Variants in TTN observed in about 807,000 individuals in gnomAD.
TTN encodes the protein connectin.
A neutral mutation model predicts 3,223.0 loss-of-function variants in TTN; 1,525 were observed. That is an observed-to-expected ratio of 0.47 (90% CI 0.45 to 0.49). TTN has a LOEUF of 0.49. TTN is among the 20% of genes least tolerant of loss of function. The pLI is 0.00. For synonymous variants in TTN, 14,094 were observed against 15,161.0 expected, an observed-to-expected ratio of 0.93 and a Z score of 5.17; for missense variants, 40,786 against 43,424.0, an observed-to-expected ratio of 0.94 and a Z score of 5.40.
In TTN at chr2:178,568,428, C is replaced by T; in HGVS notation, c.77704G>A (p.Asp25902Asn). Residue 25902 changes from aspartate to asparagine, a missense_variant, in exon 326 of 363, where the codon GAC (aspartate) becomes AAC (asparagine). By Grantham distance (23) the Asp-to-Asn change is conservative (BLOSUM62 1). Transcript: ENST00000589042. ...DPPKGPVKFD[D>N]VSAESITLSW... ...AATGTAATACTTTCAGCACTGACGT[C>T]ATCAAATTTAACAGGTCCTTTTGGA... 6.2e-7 allele frequency: 1 copy of T among 1,613,236 alleles called. No homozygotes were observed.
chr2:178,768,106 C>T lies in TTN; in HGVS notation c.9213G>A (p.Glu3071=), dbSNP rs779657872. The stretch of plus-strand genomic sequence containing the variant: ...CACATTCAAACATGGCTCGCTTCTT[C>T]TCCAGTACCTTAATGTCCTTAATGT... ...RKHIKDIKVL[E]KKRAMFECEV... Residue 3071 remains glutamate (E), a synonymous_variant, in exon 39 of 363, where the codon GAG becomes GAA. Transcript: ENST00000589042. 6 of 1,614,082 alleles carry T rather than the reference C, an allele frequency of 3.7e-6. No homozygotes were observed. Among genetic ancestry groups the T allele is most frequent in the Middle Eastern group, 1.6e-4 (1 of 6,062 alleles).
rs1445905499 is a variant in TTN at position 178,721,207 on chromosome 2, T to C, written c.22817-5A>G. ...TCTTAACAAACTTTGGAGGTTCTAGTAAACCAAACAAAACAGTCAGTAAGG... is the reference window on the plus strand; with the variant it reads ...TCTTAACAAACTTTGGAGGTTCTAGCAAACCAAACAAAACAGTCAGTAAGG... On this transcript the variant is annotated splice_region_variant and splice_polypyrimidine_tract_variant and intron_variant, in intron 78 of 362. Transcript: ENST00000589042. 1 of 1,580,446 alleles carries C rather than the reference T, an allele frequency of 6.3e-7. No individual in the cohort carries two copies.
In TTN at chr2:178,615,638, C is replaced by G. The variant is rs1418780925; in HGVS notation, c.48460+3G>C. The G allele has an allele frequency of 1.2e-6, 2 of 1,612,124 alleles. No individual in the cohort carries two copies. The highest frequency in any genetic ancestry group is 1.7e-6 in the Non-Finnish European group (2 of 1,178,884). On this transcript the variant is annotated splice_donor_region_variant and intron_variant, in intron 258 of 362. Transcript: ENST00000589042. ...GGTAAGAAATCATCAAGAATGTACT[C>G]ACTTGCAGGAGTTGACATATTTACA...
intron 6 of TTN, chr2:178,799,134 G>C (rs2093917602): frequency 3.5e-6 from 1 of 282,228 alleles, no homozygotes; most frequent in Admixed American, 4.3e-5. Flanking sequence ...AGAAGTGCGT[G>C]GTCCCTAGCG....
chr2:178,678,437 T>C lies in TTN; in HGVS notation c.33887A>G (p.Lys11296Arg). The C allele has an allele frequency of 6.3e-7, 1 of 1,594,942 alleles. No homozygotes were observed. The highest frequency in any genetic ancestry group is 8.5e-7 in the Non-Finnish European group (1 of 1,170,530). Residue 11296 changes from lysine to arginine, a missense_variant, in exon 144 of 363, where the codon AAA becomes AGA. Transcript: ENST00000589042. ...ACCTTTTGCAGGTGGAGCCTCCACT[T>C]TCTTAGGAGCAGGAACTGGCACCTT... ...EKKVPVPAPK[K>R]VEAPPAKVPE...
chr2:178,618,887 C>T (rs1279518287), intron 250 of TTN, 34 bp from the exon 251 acceptor site: 4 of 1,594,938 alleles, frequency 2.5e-6, no homozygotes, highest in Non-Finnish European at 3.4e-6. Context: ...ACGCTTTCGA[C>T]TATTAAACGT....
rs886043776 is a variant in TTN at position 178,547,697 on chromosome 2, C to A, written c.93929G>T (p.Gly31310Val). The A allele has an allele frequency of 1.1e-5, 17 of 1,613,772 alleles. No individual in the cohort carries two copies. The highest frequency in any genetic ancestry group is 1.4e-5 in the Non-Finnish European group (17 of 1,179,846). ...SVTVVVIGRP[G>V]PVTGPIEVSS... ...GACCTCAATGGGGCCGGTTACTGGACCTGGCCTTCCAATGACCACAACTGT... is the reference window on the plus strand; with the variant it reads ...GACCTCAATGGGGCCGGTTACTGGAACTGGCCTTCCAATGACCACAACTGT... Residue 31310 changes from glycine to valine, a missense_variant, in exon 339 of 363, where the codon GGT becomes GTT. Gly to Val is a moderately radical substitution (Grantham distance 109). Transcript: ENST00000589042.
Position 178,591,032 on chromosome 2 carries a change from C to T in TTN, c.60693G>A (p.Leu20231=). ...VVSSGSSKTK[L]KIPHLQKGCE... ...AGCCCTTCTGCAGATGTGGGATTTT[C>T]AGCTTTGTCTTACTGCTTCCGGAAG... Residue 20231 remains leucine (L), a synonymous_variant, in exon 304 of 363, where the codon CTG becomes CTA. Transcript: ENST00000589042. 1 of 1,613,444 alleles carries T rather than the reference C, an allele frequency of 6.2e-7. No homozygotes were observed. Among genetic ancestry groups the T allele is most frequent in the Non-Finnish European group, 8.5e-7 (1 of 1,179,562 alleles).
At chr2:178,714,949 G>T in intron 90 of TTN, 37 bp downstream of exon 90, 1 of 1,572,652 alleles carries the variant, frequency 6.4e-7, no homozygotes, top group Non-Finnish European at 8.6e-7. Context: ...CAATTAGAAG[G>T]GAAGTAGTGA....
rs1251157241 is a variant in TTN at position 178,612,174 on chromosome 2, A to C, written c.50249-12T>G. On this transcript the variant is annotated splice_polypyrimidine_tract_variant and intron_variant, in intron 266 of 362. Coordinates refer to ENST00000589042, the MANE Select transcript of TTN (RefSeq NM_001267550.2). Reference sequence around the variant, plus strand: ...TGGTCCAGGAGTGGCTGAAAATAAAATAAACAATGATTAGGAAAACCAGAG... The same window carrying C: ...TGGTCCAGGAGTGGCTGAAAATAAACTAAACAATGATTAGGAAAACCAGAG... The C allele has an allele frequency of 1.2e-6, 2 of 1,606,442 alleles. No homozygotes were observed. Among genetic ancestry groups the C allele is most frequent in the South Asian group, 2.2e-5 (2 of 89,478 alleles).
At chr2:178,632,824 A>C in intron 234 of TTN, 32 bp from the exon 235 acceptor site, 1 of 1,612,674 alleles carries the variant, frequency 6.2e-7, no homozygotes, top group Non-Finnish European at 8.5e-7. Flanking sequence ...TGAAGTCAGA[A>C]TACGTTTCCA....
chr2:178,684,853 C>G, intron 130 of TTN, 53 bp downstream of exon 130: 1 of 1,542,282 alleles, frequency 6.5e-7, no homozygotes, highest in Non-Finnish European at 8.8e-7. Context: ...AAGAATGTAT[C>G]AATTTAAGAT....
At chr2:178,545,019 ACTAGAAACTGTATGTTC>A (rs1288695189) in intron 344 of TTN, among the ~76,000 whole-genome samples, 2 of 152,186 alleles carry the variant, frequency 1.3e-5, no homozygotes, top group Non-Finnish European at 2.9e-5. Context: ...TTATGAAACC[ACTAGAAACTGTATGTTC>A]CTGCTAAACC....
chr2:178,535,633 C>T lies in TTN; in HGVS notation c.100982G>A (p.Arg33661Lys), dbSNP rs201857158. Residue 33661 changes from arginine (R) to lysine (K), a missense_variant, in exon 358 of 363, where the codon AGA becomes AAA. Transcript: ENST00000589042. Reference protein sequence around the residue: ...TSLVFPNGVERKDAGFYVVCA... With the variant: ...TSLVFPNGVEKKDAGFYVVCA... Reference sequence around the variant, plus strand: ...GACCACATAGAAACCAGCATCTTTTCTCTCTACCCCATTGGGGAAAACAAG... The same window carrying T: ...GACCACATAGAAACCAGCATCTTTTTTCTCTACCCCATTGGGGAAAACAAG... 332 of 1,613,820 alleles carry T rather than the reference C, an allele frequency of 2.1e-4. 2 individuals carry two copies. The South Asian group carries it at 3.5e-3, about 17-fold the overall frequency.
intron 47 of TTN, chr2:178,749,228 A>G: frequency 6.2e-7 from 1 of 1,611,668 alleles, no homozygotes; most frequent in Non-Finnish European, 8.5e-7. Context: ...TTCTTTCTTA[A>G]TAGTGACATC....
rs752002029 is a variant in TTN, at chr2:178,698,932, GAAAA to G, written c.30683-22_30683-19del. 10 of 1,114,522 alleles carry G rather than the reference GAAAA, an allele frequency of 9.0e-6. No individual in the cohort carries two copies. Among genetic ancestry groups the G allele is most frequent in the Non-Finnish European group, 1.2e-5 (10 of 831,894 alleles). 69.0% of individuals were successfully genotyped at this position (1,114,522 alleles called of 1,614,324 possible). A position where few individuals can be genotyped will look rare whatever the true frequency, so the allele number is the denominator to read the frequency against. The stretch of plus-strand genomic sequence containing the variant: ...TTTGGTAACTAAAAAAAAAAAAAAA[GAAAA>G]AAAAAGAAAAAATATTTCTGGTGTA... On this transcript the variant is annotated intron_variant, in intron 111 of 362. Transcript: ENST00000589042.
rs2154148331 is a variant in TTN, at chr2:178,549,594, G to T, written c.92128C>A (p.Pro30710Thr). The change falls in exon 338 of 363, where the codon CCA (proline) becomes ACA (threonine). Residue 30710 changes from proline (P) to threonine (T), a missense_variant. Physicochemically the swap from Pro to Thr is conservative, Grantham distance 38. Transcript: ENST00000589042. Reference protein sequence around the residue: ...FGVGRPLDSDPVVAQIQYTVP... With the variant: ...FGVGRPLDSDTVVAQIQYTVP... Reference sequence around the variant, plus strand: ...CTATATTGTATTTGAGCAACCACTGGATCAGAATCAAGTGGCCTGCCAACA... The same window carrying T: ...CTATATTGTATTTGAGCAACCACTGTATCAGAATCAAGTGGCCTGCCAACA... The T allele has an allele frequency of 1.2e-6, 2 of 1,613,238 alleles. No individual in the cohort carries two copies. The highest frequency in any genetic ancestry group is 1.7e-6 in the Non-Finnish European group (2 of 1,179,270).
rs727505248 is a variant in TTN, at chr2:178,613,756, T to A, written c.49527A>T (p.Thr16509=). The A allele has an allele frequency of 6.2e-7, 1 of 1,612,078 alleles. No individual in the cohort carries two copies. Among genetic ancestry groups the A allele is most frequent in the Non-Finnish European group, 8.5e-7 (1 of 1,178,792 alleles). The change falls in exon 263 of 363, where the codon ACA becomes ACT. Residue 16509 remains threonine (T), a synonymous_variant. Coordinates refer to ENST00000589042, the MANE Select transcript of TTN (RefSeq NM_001267550.2). The part of the protein sequence containing the change: ...RCNKMPVKDT[T]YRVKGLTNKK... ...GATGGGGATTCTGAGCATACCTGTATGTTGTGTCCTTTACTGGCATCTTAT... is the reference window on the plus strand; with the variant it reads ...GATGGGGATTCTGAGCATACCTGTAAGTTGTGTCCTTTACTGGCATCTTAT...
Position 178,726,184 on chromosome 2 carries a change from G to C in TTN, c.20276-138C>G, listed in dbSNP as rs143874730. On this transcript the variant is annotated intron_variant, in intron 69 of 362. Coordinates refer to ENST00000589042, the MANE Select transcript of TTN (RefSeq NM_001267550.2). The stretch of plus-strand genomic sequence containing the variant: ...GAGTCCAGCACTAACACTCTCATGG[G>C]ATAACAGCCTCAGAAGCCATTTGCC... 5.9e-6 allele frequency: 6 copies of C among 1,011,300 alleles called. No homozygotes were observed. The East Asian group carries it at 8.6e-5, about 14-fold the overall frequency. 62.6% of individuals were successfully genotyped at this position (1,011,300 alleles called of 1,614,324 possible).
Sources: gnomAD v4.1 joint callset for allele counts (sites outside exome capture counted in the v4.1 genomes callset) on GRCh38, gnomAD v4.1.1 for gene constraint, MANE v1.5 for transcripts, NCBI Gene and HGNC (gene_info 2026-07-23, HGNC 2026-07-21) for gene names.